The following SLC12A2 variants were observed in gnomAD, a reference collection of about 807,000 sequenced individuals.
The protein encoded by SLC12A2 is Na-K-2Cl cotransporter 1.
Under a neutral mutation model 136.3 loss-of-function variants are expected in SLC12A2, and 67 were observed. The ratio of observed to expected loss-of-function variants is 0.49; its 90% CI spans 0.40 to 0.60. SLC12A2 has a LOEUF of 0.60. Ranked by LOEUF, SLC12A2 falls within the 20% of genes least tolerant of loss-of-function variation. SLC12A2 has a pLI of 0.00. For missense variants in SLC12A2, 1,322 were observed against 1,534.7 expected, an observed-to-expected ratio of 0.86 and a Z score of 2.32; for synonymous variants, 619 against 562.9, an observed-to-expected ratio of 1.10 and a Z score of -1.41.
chr5:128,148,749 A>T lies in SLC12A2; in HGVS notation c.1882-5A>T, dbSNP rs748978896. The T allele has an allele frequency of 1.3e-6, 2 of 1,575,850 alleles. No individual in the cohort carries two copies. The highest frequency in any genetic ancestry group is 4.1e-5 in the Admixed American group (2 of 48,978). On this transcript the variant is annotated splice_region_variant and splice_polypyrimidine_tract_variant and intron_variant, in intron 11 of 26. Transcript: ENST00000262461. ...ATGTTTCATTTTAATGTTTTCTTTC[A>T]TTAGGCTCTATGTAAGGACAACATC...
At chr5:128,090,869 A>G (rs1760287367) in intron 1 of SLC12A2, among the ~76,000 whole-genome samples, 1 of 152,206 alleles carries the variant, frequency 6.6e-6, no homozygotes. Context: ...GTCAGGGGGT[A>G]GTGAGGACCA....
chr5:128,114,158 T>A, intron 2 of SLC12A2, 54 bp from the exon 3 acceptor site: 1 of 1,270,478 alleles, frequency 7.9e-7, no homozygotes. Flanking sequence ...GCTTACTATA[T>A]AATGTTTGAT....
chr5:128,099,520 T>A (rs1290022047), intron 1 of SLC12A2, among the ~76,000 whole-genome samples: 1 of 152,162 alleles, frequency 6.6e-6, no homozygotes, highest in African/African-American at 2.4e-5. Flanking sequence ...AATAATAAAT[T>A]AACCTCAGCT....
At chr5:128,162,266 A>G (rs528498691) in intron 17 of SLC12A2, among the ~76,000 whole-genome samples, 1 of 152,164 alleles carries the variant, frequency 6.6e-6, no homozygotes, top group Admixed American at 6.6e-5. Flanking sequence ...GTGGTGTTGA[A>G]TATAGCGATA....
At chr5:128,118,299 A>T (rs1373457933) in intron 4 of SLC12A2, among the ~76,000 whole-genome samples, 1 of 152,206 alleles carries the variant, frequency 6.6e-6, no homozygotes, top group Non-Finnish European at 1.5e-5. Flanking sequence ...ATTCACAATT[A>T]TAAAAATGTG....
chr5:128,098,443 T>C (rs1410248009), intron 1 of SLC12A2, among the ~76,000 whole-genome samples: 1 of 151,840 alleles, frequency 6.6e-6, no homozygotes, highest in African/African-American at 2.4e-5. Flanking sequence ...ATTTAACATA[T>C]GGGCCACATG....
intron 4 of SLC12A2, among the ~76,000 whole-genome samples, chr5:128,120,501 C>G (rs1315038193): frequency 6.6e-6 from 1 of 151,616 alleles, no homozygotes; most frequent in Non-Finnish European, 1.5e-5. Flanking sequence ...AAATGTGGCA[C>G]ATATACACCA....
intron 11 of SLC12A2, among the ~76,000 whole-genome samples, 183 bp downstream of exon 11, chr5:128,147,912 A>ATT (rs1236070204): frequency 2.0e-5 from 3 of 151,494 alleles, no homozygotes; most frequent in African/African-American, 7.3e-5. Flanking sequence ...GTGAATGTTT[A>ATT]TATAAATATT....
intron 1 of SLC12A2, among the ~76,000 whole-genome samples, chr5:128,091,482 A>G (rs1268294278): frequency 6.6e-6 from 1 of 152,208 alleles, no homozygotes; most frequent in East Asian, 1.9e-4. Context: ...ATACTGTACA[A>G]AGGGGTAGGG....
At chr5:128,185,006 T>C in intron 26 of SLC12A2, 150 bp downstream of exon 26, 1 of 650,392 alleles carries the variant, frequency 1.5e-6, no homozygotes, top group Non-Finnish European at 2.6e-6. Context: ...ATACTATGCT[T>C]TAAGCATATG....
At position 128,160,050 on chromosome 5, in the gene SLC12A2, A is replaced by G. The variant is rs370053337; in HGVS notation, c.2476-1610A>G. Among the ~76,000 whole-genome samples the G allele has an allele frequency of 8.5e-5, 13 of 152,336 alleles. No homozygotes were observed. The East Asian group carries it at 2.5e-3, about 29-fold the overall frequency. ...TGGTGCATATACACAATGGAATACTATGCAGCCATAAAAAAGAATGAGTTC... is the reference window on the plus strand; with the variant it reads ...TGGTGCATATACACAATGGAATACTGTGCAGCCATAAAAAAGAATGAGTTC... On this transcript the variant is annotated intron_variant, in intron 16 of 26. Coordinates refer to ENST00000262461, the MANE Select transcript of SLC12A2 (RefSeq NM_001046.3).
intron 4 of SLC12A2, among the ~76,000 whole-genome samples, chr5:128,120,628 A>G (rs1476744138): frequency 1.3e-5 from 2 of 151,498 alleles, no homozygotes; most frequent in Admixed American, 6.6e-5. Context: ...CAAACACTGC[A>G]TGTTCTCACT....
In SLC12A2 at chr5:128,165,791, A is replaced by G. The variant is rs536528564; in HGVS notation, c.2617-1970A>G. The stretch of plus-strand genomic sequence containing the variant: ...AAAAATAAAACCTTTTAATTATTAT[A>G]GGATTGTAACAAATTTCTGTGAGTG... On this transcript the variant is annotated intron_variant, in intron 17 of 26. Transcript: ENST00000262461. Among the ~76,000 whole-genome samples the G allele has an allele frequency of 7.2e-5, 11 of 152,224 alleles. No individual in the cohort carries two copies. In the East Asian group the frequency reaches 2.1e-3, roughly 29 times the overall value.
chr5:128,134,486 G>A (rs1216555851), intron 6 of SLC12A2, among the ~76,000 whole-genome samples: 1 of 151,990 alleles, frequency 6.6e-6, no homozygotes, highest in African/African-American at 2.4e-5. Flanking sequence ...GTTAAACACA[G>A]TACTTTGTAA....
intron 1 of SLC12A2, chr5:128,110,526 TG>T: frequency 1.4e-6 from 2 of 1,416,564 alleles, no homozygotes; most frequent in Non-Finnish European, 2.0e-6. Flanking sequence ...AAAACCTGTA[TG>T]GTCCCATTGT....
intron 16 of SLC12A2, among the ~76,000 whole-genome samples, chr5:128,159,802 A>G (rs1378756431): frequency 6.6e-6 from 1 of 152,222 alleles, no homozygotes; most frequent in Non-Finnish European, 1.5e-5. Flanking sequence ...AGTTTAAACT[A>G]GTTCAACCAT....
chr5:128,089,393 T>C (rs1760224677), intron 1 of SLC12A2, among the ~76,000 whole-genome samples: 2 of 152,050 alleles, frequency 1.3e-5, no homozygotes, highest in South Asian at 2.1e-4. Context: ...AGCAAGACCC[T>C]GTCTAAAAAA....
chr5:128,101,764 T>G (rs1760747705), intron 1 of SLC12A2, among the ~76,000 whole-genome samples: 1 of 152,210 alleles, frequency 6.6e-6, no homozygotes, highest in African/African-American at 2.4e-5. Context: ...AGTTTATCAT[T>G]TATTAAATTT....
chr5:128,175,978 TTG>T (rs1049811017), intron 20 of SLC12A2, among the ~76,000 whole-genome samples: 3 of 151,780 alleles, frequency 2.0e-5, no homozygotes, highest in East Asian at 1.9e-4. Flanking sequence ...TTGCTTTATT[TTG>T]TGTTTATTTT....
Sources: gnomAD v4.1 joint callset for allele counts (sites outside exome capture counted in the v4.1 genomes callset) on GRCh38, gnomAD v4.1.1 for gene constraint, MANE v1.5 for transcripts, NCBI Gene and HGNC (gene_info 2026-07-23, HGNC 2026-07-21) for gene names.